Variants in MKRN2OS observed in about 807,000 individuals in gnomAD.
MKRN2OS encodes MKRN2 opposite strand protein.
A neutral mutation model predicts 18.2 loss-of-function variants in MKRN2OS; 17 were observed. The ratio of observed to expected loss-of-function variants is 0.93; its 90% CI spans 0.64 to 1.40. MKRN2OS has a LOEUF of 1.40. Among genes scored for constraint, MKRN2OS ranks in the 40% most tolerant of loss-of-function variants. The pLI, the probability that MKRN2OS is intolerant of heterozygous loss-of-function variation, is 0.00. For missense variants in MKRN2OS, 337 were observed against 283.0 expected (o/e 1.19, Z -1.37); for synonymous variants, 121 against 108.5 (o/e 1.12, Z -0.72).
At chr3:12,545,193 A>G in intron 1 of MKRN2OS, 54 bp downstream of exon 1, 1 of 1,378,978 alleles carries the variant, frequency 7.3e-7, no homozygotes, top group Non-Finnish European at 9.7e-7. Context: ...TTAGTGACTA[A>G]AACAGAAGGA....
chr3:12,545,804 GAACTCTTATT>G (rs1186800734), upstream of MKRN2OS, among the ~76,000 whole-genome samples: 3 of 152,068 alleles, frequency 2.0e-5, no homozygotes, highest in Non-Finnish European at 4.4e-5. Context: ...ATTTCCGTCA[GAACTCTTATT>G]TATTTATTTA....
At chr3:12,541,517 C>A (rs1287036023) in intron 3 of MKRN2OS, among the ~76,000 whole-genome samples, 1 of 152,046 alleles carries the variant, frequency 6.6e-6, no homozygotes, top group Non-Finnish European at 1.5e-5. Flanking sequence ...TTGTGCCCAG[C>A]CTGAATATTG....
chr3:12,557,154 A>C, intron 1 of MKRN2OS: 2 of 1,528,770 alleles, frequency 1.3e-6, no homozygotes, highest in Non-Finnish European at 8.8e-7. Flanking sequence ...AGCCACCATG[A>C]GCACCAAGCA....
upstream of MKRN2OS, among the ~76,000 whole-genome samples, chr3:12,548,606 TGG>T (rs1414734082): frequency 3.3e-5 from 5 of 152,144 alleles, no homozygotes; most frequent in Non-Finnish European, 5.9e-5. Context: ...CACTCCAGCC[TGG>T]GCTCCAGAGC....
rs776821088 is a variant in MKRN2OS at position 12,540,421 on chromosome 3, G to T, written c.444C>A (p.Asn148Lys). ...GAWLPHRYEDNHHNCYSYALT... is the reference protein window; with the variant it reads ...GAWLPHRYEDKHHNCYSYALT... ...GTGCGTAAGAGTAGCAGTTATGGTG[G>T]TTGTCTTCATACCTTATGGAGGAGA... Residue 148 changes from asparagine (N) to lysine (K), a missense_variant, in exon 4 of 4, where the codon AAC becomes AAA. By Grantham distance (94) the Asn-to-Lys change is moderately conservative. Coordinates refer to ENST00000564146, the MANE Select transcript of MKRN2OS (RefSeq NM_001195279.2). 2.0e-6 allele frequency: 3 copies of T among 1,536,136 alleles called. No homozygotes were observed. In the South Asian group the frequency reaches 3.6e-5, roughly 18 times the overall value.
Position 12,545,339 on chromosome 3 carries a change from C to T in MKRN2OS, c.126G>A (p.Glu42=), listed in dbSNP as rs1346392228. 5 of 1,536,124 alleles carry T rather than the reference C, an allele frequency of 3.3e-6. No individual in the cohort carries two copies. Among genetic ancestry groups the T allele is most frequent in the Middle Eastern group, 1.7e-4 (1 of 5,984 alleles). Reference sequence around the variant, plus strand: ...GATTAGCGATGCTAACAGGTGCGTCCTCCAGCTTCCTCGAGCCCAGGTCCT... The same window carrying T: ...GATTAGCGATGCTAACAGGTGCGTCTTCCAGCTTCCTCGAGCCCAGGTCCT... ...CQQDLGSRKL[E]DAPVSIANPF... is the part of the protein sequence containing the mutation. Residue 42 remains glutamate, a synonymous_variant, in exon 1 of 4, where the codon GAG becomes GAA. Transcript: ENST00000564146.
intron 1 of MKRN2OS, among the ~76,000 whole-genome samples, chr3:12,555,028 G>A (rs2057956357): frequency 6.6e-6 from 1 of 152,154 alleles, no homozygotes; most frequent in African/African-American, 2.4e-5. Flanking sequence ...AAGTGGCATG[G>A]GCTGGGCGCG....
At chr3:12,557,162 G>A in intron 1 of MKRN2OS, 5 of 1,536,796 alleles carry the variant, frequency 3.3e-6, no homozygotes, top group Non-Finnish European at 3.5e-6. Context: ...TGAGCACCAA[G>A]CAGATCACTT....
chr3:12,547,097 G>A (rs2057891629), upstream of MKRN2OS, among the ~76,000 whole-genome samples: 1 of 151,874 alleles, frequency 6.6e-6, no homozygotes, highest in Admixed American at 6.6e-5. Flanking sequence ...GACAGAGTGG[G>A]ACCCTGTCTC....
upstream of MKRN2OS, among the ~76,000 whole-genome samples, chr3:12,546,392 C>T (rs1278393485): frequency 2.6e-5 from 4 of 151,772 alleles, no homozygotes; most frequent in Admixed American, 6.6e-5. Flanking sequence ...GGTGGTTTCT[C>T]GGGTCCAGGG....
At position 12,543,323 on chromosome 3, in the gene MKRN2OS, A is replaced by C; in HGVS notation, c.219-94T>G. ...AGGAGGATGCCGAGCACAGTGGCTT[A>C]GACCTGTAATCCCAGCACTTTGGGA... On this transcript the variant is annotated intron_variant, in intron 1 of 3. Transcript: ENST00000564146. 3 of 1,059,670 alleles carry C rather than the reference A, an allele frequency of 2.8e-6. No individual in the cohort carries two copies. The South Asian group carries it at 4.3e-5, about 15-fold the overall frequency. The allele number at this position is 1,059,670 out of a possible 1,614,324, so 65.6% of individuals were successfully genotyped here.
intron 1 of MKRN2OS, chr3:12,557,031 G>A (rs1236910221): frequency 4.4e-6 from 5 of 1,124,270 alleles, no homozygotes; most frequent in Non-Finnish European, 5.7e-6. Flanking sequence ...GAGGGGCGGC[G>A]TGCGCCGGCG....
chr3:12,546,881 A>G (rs2057889759), upstream of MKRN2OS, among the ~76,000 whole-genome samples: 1 of 152,158 alleles, frequency 6.6e-6, no homozygotes, highest in African/African-American at 2.4e-5. Context: ...CCCAGCCTAC[A>G]TGGGATATTT....
upstream of MKRN2OS, among the ~76,000 whole-genome samples, chr3:12,548,482 ACC>A (rs1491379151): frequency 9.0e-4 from 45 of 49,798 alleles, no homozygotes; most frequent in East Asian, 2.0e-3. Flanking sequence ...AAAAAAAAAA[ACC>A]AGCCGAGCGT....
chr3:12,545,349 C>T lies in MKRN2OS; in HGVS notation c.116G>A (p.Arg39Lys). The T allele has an allele frequency of 1.3e-6, 2 of 1,536,112 alleles. No homozygotes were observed. Among genetic ancestry groups the T allele is most frequent in the Non-Finnish European group, 1.7e-6 (2 of 1,146,918 alleles). The stretch of plus-strand genomic sequence containing the variant: ...GCTAACAGGTGCGTCCTCCAGCTTC[C>T]TCGAGCCCAGGTCCTGCTGGCAGAG... ...CPLCQQDLGS[R>K]KLEDAPVSIA... Residue 39 changes from arginine to lysine, a missense_variant, in exon 1 of 4, where the codon AGG becomes AAG. By Grantham distance (26) the Arg-to-Lys change is conservative. Transcript: ENST00000564146.
upstream of MKRN2OS, among the ~76,000 whole-genome samples, chr3:12,546,207 A>T (rs912670413): frequency 1.1e-4 from 17 of 151,928 alleles, no homozygotes; most frequent in African/African-American, 3.9e-4. Context: ...GTTGTTGCAT[A>T]AATAAATCCT....
chr3:12,551,769 C>G (rs1575509243), downstream of MKRN2OS, among the ~76,000 whole-genome samples: 1 of 151,592 alleles, frequency 6.6e-6, no homozygotes, highest in African/African-American at 2.4e-5. Context: ...AACCCCGTCT[C>G]TACTAAAAAT....
chr3:12,557,188 G>A, intron 1 of MKRN2OS: 1 of 1,534,980 alleles, frequency 6.5e-7, no homozygotes, highest in Non-Finnish European at 8.8e-7. Flanking sequence ...TCAGTGCGCT[G>A]GAGCCAGGAG....
At chr3:12,557,103 C>T (rs1212636082) in intron 1 of MKRN2OS, 2 of 1,488,348 alleles carry the variant, frequency 1.3e-6, no homozygotes, top group Non-Finnish European at 8.9e-7. Context: ...GAGGCGGCAG[C>T]GGCTGCGAGA....
Sources: allele counts gnomAD v4.1 joint callset (sites outside exome capture counted in the v4.1 genomes callset), GRCh38; gene constraint gnomAD v4.1.1; transcripts MANE v1.5; gene names NCBI Gene and HGNC (gene_info 2026-07-23, HGNC 2026-07-21).